The following AFG2A variants were observed in gnomAD, a reference collection of about 807,000 sequenced individuals.
AFG2A encodes ATPase family gene 2 protein homolog A.
the AFG2A span, among the ~76,000 whole-genome samples, chr4:123,038,545 A>G: frequency 6.6e-6 from 1 of 152,094 alleles, no homozygotes; most frequent in Admixed American, 6.6e-5. Flanking sequence ...AGCTTAAAAT[A>G]ACCTCCCTTG....
the AFG2A span, among the ~76,000 whole-genome samples, chr4:123,163,177 T>A: frequency 6.6e-6 from 1 of 152,212 alleles, no homozygotes; most frequent in Non-Finnish European, 1.5e-5. Context: ...GGCTCACGCC[T>A]TTAATTCCAG....
the AFG2A span, among the ~76,000 whole-genome samples, chr4:123,106,885 T>C: frequency 6.6e-6 from 1 of 152,204 alleles, no homozygotes; most frequent in Non-Finnish European, 1.5e-5. Flanking sequence ...CGGTGAGGGT[T>C]GTGTGGGCAA....
chr4:122,985,991 C>T, the AFG2A span, among the ~76,000 whole-genome samples: 11 of 151,706 alleles, frequency 7.3e-5, no homozygotes, highest in South Asian at 4.2e-4. Context: ...TCATTCAGTT[C>T]GAAGAATTTT....
the AFG2A span, among the ~76,000 whole-genome samples, chr4:123,004,058 C>G: frequency 6.6e-6 from 1 of 152,216 alleles, no homozygotes; most frequent in East Asian, 1.9e-4. Flanking sequence ...AGTTTGATCT[C>G]AGACTGCTGT....
the AFG2A span, among the ~76,000 whole-genome samples, chr4:123,311,517 C>T: frequency 6.6e-6 from 1 of 151,124 alleles, no homozygotes; most frequent in African/African-American, 2.4e-5. Context: ...GTCCCAGCTA[C>T]TCAGGAGGCT....
the AFG2A span, among the ~76,000 whole-genome samples, chr4:123,214,804 T>G: frequency 7.6e-4 from 116 of 152,170 alleles, no homozygotes; most frequent in African/African-American, 2.6e-3. Flanking sequence ...TTTATCTTCT[T>G]TATGATTTTA....
At chr4:123,087,109 G>T in the AFG2A span, among the ~76,000 whole-genome samples, 1 of 152,110 alleles carries the variant, frequency 6.6e-6, no homozygotes, top group Non-Finnish European at 1.5e-5. Context: ...TTCTGTCTTC[G>T]TAGGCCTTGT....
chr4:123,009,347 C>A, the AFG2A span, among the ~76,000 whole-genome samples: 5 of 152,302 alleles, frequency 3.3e-5, no homozygotes, highest in African/African-American at 1.2e-4. Flanking sequence ...GATTCCAGTA[C>A]TTCCCAGGGC....
At chr4:122,985,769 A>C in the AFG2A span, among the ~76,000 whole-genome samples, 1 of 128,512 alleles carries the variant, frequency 7.8e-6, no homozygotes. Context: ...TTTCAATTTT[A>C]TTTCTTTCTG....
At chr4:123,304,895 A>G in the AFG2A span, among the ~76,000 whole-genome samples, 5 of 152,288 alleles carry the variant, frequency 3.3e-5, no homozygotes, top group Non-Finnish European at 7.4e-5. Context: ...CTGATACTGT[A>G]GCCTGAACTG....
chr4:123,170,590 GA>G, the AFG2A span, among the ~76,000 whole-genome samples: 1 of 151,840 alleles, frequency 6.6e-6, no homozygotes, highest in African/African-American at 2.4e-5. Flanking sequence ...AAGGTAGAAA[GA>G]AAAAAAGTTA....
At chr4:122,971,374 T>C in the AFG2A span, among the ~76,000 whole-genome samples, 2 of 152,106 alleles carry the variant, frequency 1.3e-5, no homozygotes, top group African/African-American at 2.4e-5. Context: ...ACCACTACAC[T>C]CCAGACTGGG....
At chr4:122,937,535 C>G in the AFG2A span, among the ~76,000 whole-genome samples, 123,172 of 152,022 alleles carry the variant, frequency 0.81, 51,670 homozygotes, top group East Asian at 0.96. Context: ...TTTTTTTCCC[C>G]CAATGATAGT....
chr4:122,947,406 C>T, the AFG2A span: 168 of 1,613,988 alleles, frequency 1.0e-4, no homozygotes, highest in Admixed American at 3.7e-4. Context: ...CCCATTTGCT[C>T]ACTGAGGCTG....
chr4:123,161,095 C>T, the AFG2A span, among the ~76,000 whole-genome samples: 6 of 152,120 alleles, frequency 3.9e-5, no homozygotes, highest in Non-Finnish European at 7.4e-5. Context: ...ATTGTACACT[C>T]CTTAAGGATA....
the AFG2A span, among the ~76,000 whole-genome samples, chr4:123,037,834 T>C: frequency 6.6e-6 from 1 of 152,062 alleles, no homozygotes; most frequent in East Asian, 1.9e-4. Context: ...TAACGGGACA[T>C]TTCATTTCTC....
chr4:123,063,542 C>A, the AFG2A span, among the ~76,000 whole-genome samples: 19 of 152,058 alleles, frequency 1.2e-4, no homozygotes, highest in Non-Finnish European at 2.9e-5. Flanking sequence ...GTCAGGAGAT[C>A]AAGATCATCC....
the AFG2A span, among the ~76,000 whole-genome samples, chr4:122,952,589 G>A: frequency 6.6e-6 from 1 of 152,218 alleles, no homozygotes; most frequent in East Asian, 1.9e-4. Context: ...ATTTTTGTCT[G>A]TGTTTATAGC....
At chr4:123,288,134 A>G in the AFG2A span, among the ~76,000 whole-genome samples, 1 of 152,128 alleles carries the variant, frequency 6.6e-6, no homozygotes, top group South Asian at 2.1e-4. Context: ...TGACCTTGAC[A>G]GAGCAATTCA....
Sources: allele counts gnomAD v4.1 joint callset (sites outside exome capture counted in the v4.1 genomes callset), GRCh38; gene constraint gnomAD v4.1.1; transcripts MANE v1.5; gene names NCBI Gene and HGNC (gene_info 2026-07-23, HGNC 2026-07-21).